Variants in SEPTIN8 observed in about 807,000 individuals in gnomAD.
SEPTIN8 encodes septin 8, also known as septin-8.
A neutral mutation model predicts 53.1 loss-of-function variants in SEPTIN8; 22 were observed. The observed-to-expected ratio is 0.41, with a 90% CI of 0.30 to 0.59. The LOEUF (loss-of-function observed/expected upper bound fraction) is 0.59, where lower values mean the gene tolerates loss of function less well. SEPTIN8 is among the 20% of genes least tolerant of loss of function. The probability of loss-of-function intolerance (pLI) is 0.24; values close to 1 mark genes in which losing one functional copy is unlikely to be tolerated. For missense variants in SEPTIN8, 536 were observed against 638.7 expected (o/e 0.84, Z 1.73); for synonymous variants, 228 against 248.4 (o/e 0.92, Z 0.77).
At chr5:132,758,267 AATGGGAG>A in intron 9 of SEPTIN8, 10 of 1,304,064 alleles carry the variant, frequency 7.7e-6, no homozygotes, top group Non-Finnish European at 9.7e-6. Context: ...TTATGAAAAT[AATGGGAG>A]AGGATATTAT....
Position 132,761,068 on chromosome 5 carries a change from C to G in SEPTIN8, c.1095+65G>C. ...GCCTGGGCCAGGAAGGCACCCCCACCTCTACCCTCAGCCAGGCCTTCCCTC... is the reference window on the plus strand; with the variant it reads ...GCCTGGGCCAGGAAGGCACCCCCACGTCTACCCTCAGCCAGGCCTTCCCTC... On this transcript the variant is annotated intron_variant, in intron 8 of 9. Transcript: ENST00000378719. The surrounding 1 kb of genome is among the most constrained non-coding windows in gnomAD (Gnocchi z 5.8). 1.2e-6 allele frequency: 2 copies of G among 1,609,222 alleles called. No homozygotes were observed. The highest frequency in any genetic ancestry group is 3.3e-5 in the Admixed American group (2 of 59,870).
At chr5:132,774,850 A>G (rs968935009) in intron 1 of SEPTIN8, among the ~76,000 whole-genome samples, 2 of 152,164 alleles carry the variant, frequency 1.3e-5, no homozygotes, top group African/African-American at 2.4e-5. Flanking sequence ...AACCCTCCAT[A>G]AACTCTCTGA....
chr5:132,752,821 T>C lies in SEPTIN8; in HGVS notation c.1287-640A>G, dbSNP rs190342627. 6.6e-4 allele frequency: 1,022 copies of C among 1,542,700 alleles called. 8 individuals carry two copies. The highest frequency in any genetic ancestry group is 1.3e-3 in the Middle Eastern group (8 of 5,930). On this transcript the variant is annotated intron_variant, in intron 9 of 9. Transcript: ENST00000378719. Reference sequence around the variant, plus strand: ...GCACTCAATTGCCAATTTCTTAGAATGTATGATGGTTCTGCTTGAAGATGG... The same window carrying C: ...GCACTCAATTGCCAATTTCTTAGAACGTATGATGGTTCTGCTTGAAGATGG...
chr5:132,756,991 T>TA (rs1253023181), intron 9 of SEPTIN8: 5 of 985,276 alleles, frequency 5.1e-6, no homozygotes, highest in African/African-American at 1.7e-5. Flanking sequence ...CTTTCAGACA[T>TA]AAAATTACCC....
intron 9 of SEPTIN8, chr5:132,752,846 G>GC: frequency 6.3e-7 from 1 of 1,594,460 alleles, no homozygotes; most frequent in African/African-American, 1.3e-5. Context: ...CTTGAAGATG[G>GC]CCACTCTATT....
At chr5:132,754,380 G>A in intron 9 of SEPTIN8, 1 of 717,248 alleles carries the variant, frequency 1.4e-6, no homozygotes, top group Non-Finnish European at 2.6e-6. Flanking sequence ...GGACCACAGT[G>A]CATGAGGCAG....
upstream of SEPTIN8, among the ~76,000 whole-genome samples, chr5:132,779,873 G>A (rs921072465): frequency 1.3e-5 from 2 of 152,180 alleles, no homozygotes; most frequent in African/African-American, 4.8e-5. Flanking sequence ...ATTTCTGTAT[G>A]TGTGTGCAGG....
At position 132,760,372 on chromosome 5, in the gene SEPTIN8, C is replaced by T. The variant is rs1047171588; in HGVS notation, c.1286+430G>A. Among the ~76,000 whole-genome samples, 3 of 152,162 alleles carry T rather than the reference C, an allele frequency of 2.0e-5. No homozygotes were observed. Among genetic ancestry groups the T allele is most frequent in the Admixed American group, 6.5e-5 (1 of 15,280 alleles). ...CATTCCCAGCATTCCCAGAGCCCTG[C>T]AGCTTCGCCCTCTCCACGCTGCTCC... On this transcript the variant is annotated intron_variant, in intron 9 of 9. Transcript: ENST00000378719. The surrounding 1 kb of genome is among the most constrained non-coding windows in gnomAD (Gnocchi z 5.2).
chr5:132,751,027 C>A lies in SEPTIN8; in HGVS notation c.*989G>T. 1 of 1,606,474 alleles carries A rather than the reference C, an allele frequency of 6.2e-7. No individual in the cohort carries two copies. The highest frequency in any genetic ancestry group is 8.5e-7 in the Non-Finnish European group (1 of 1,177,344). The stretch of plus-strand genomic sequence containing the variant: ...GTAAGGAGGTGTTTACAGAGTCTAC[C>A]CTAAACTCGTTTGTGCCTTTGGAAC... On this transcript the variant is annotated 3_prime_UTR_variant, in exon 10 of 10. Transcript: ENST00000378719.
In SEPTIN8 at chr5:132,762,706, G is replaced by A. The variant is rs1756116482; in HGVS notation, c.535-61C>T. Reference sequence around the variant, plus strand: ...GGCTCTTTTGAGCGGTGGTTCCCATGCCATGCCCAGGATATGGATAGACAT... The same window carrying A: ...GGCTCTTTTGAGCGGTGGTTCCCATACCATGCCCAGGATATGGATAGACAT... On this transcript the variant is annotated intron_variant, in intron 4 of 9. Transcript: ENST00000378719. The A allele has an allele frequency of 4.5e-6, 7 of 1,562,294 alleles. No individual in the cohort carries two copies. The East Asian group carries it at 1.3e-4, about 30-fold the overall frequency.
rs781196265 is a variant in SEPTIN8 at position 132,764,306 on chromosome 5, C to T, written c.265G>A (p.Asp89Asn). 20 of 1,614,054 alleles carry T rather than the reference C, an allele frequency of 1.2e-5. No individual in the cohort carries two copies. Among genetic ancestry groups the T allele is most frequent in the African/African-American group, 6.7e-5 (5 of 74,928 alleles). Reference protein sequence around the residue: ...ACVRLRPQTYDLQESNVQLKL... With the variant: ...ACVRLRPQTYNLQESNVQLKL... Reference sequence around the variant, plus strand: ...AGCTGCACGTTGCTCTCCTGGAGGTCATAGGTCTGGGGCCGCAGGCGCACG... The same window carrying T: ...AGCTGCACGTTGCTCTCCTGGAGGTTATAGGTCTGGGGCCGCAGGCGCACG... Residue 89 changes from aspartate to asparagine, a missense_variant, in exon 3 of 10, where the codon GAC (aspartate) becomes AAC (asparagine). Coordinates refer to ENST00000378719, the MANE Select transcript of SEPTIN8 (RefSeq NM_001098811.2).
At chr5:132,772,066 T>A (rs1453882728) in intron 1 of SEPTIN8, among the ~76,000 whole-genome samples, 2 of 152,130 alleles carry the variant, frequency 1.3e-5, no homozygotes, top group Non-Finnish European at 2.9e-5. Context: ...GCAGTCAAGG[T>A]AACAGGAAGC....
rs377730326 is a variant in SEPTIN8 at position 132,761,480 on chromosome 5, C to T, written c.940G>A (p.Asp314Asn). 53 of 1,612,380 alleles carry T rather than the reference C, an allele frequency of 3.3e-5. No individual in the cohort carries two copies. The highest frequency in any genetic ancestry group is 6.8e-6 in the Non-Finnish European group (8 of 1,179,772). The change falls in exon 7 of 10, where the codon GAT (aspartate) becomes AAT (asparagine). Residue 314 changes from aspartate (D) to asparagine (N), a missense_variant. Coordinates refer to ENST00000378719, the MANE Select transcript of SEPTIN8 (RefSeq NM_001098811.2). This position sits in a 1 kb window ranked among gnomAD's most constrained non-coding sequence, Gnocchi z 5.8. ...CACCTGAAGGGCTGGCTGTCACCAT[C>T]GCTGTCCTGAAAGCCCATCTCCTCC... ...KLEEMGFQDS[D>N]GDSQPFSLQE...
At chr5:132,752,866 G>T (rs1050189401) in intron 9 of SEPTIN8, 1 of 1,613,060 alleles carries the variant, frequency 6.2e-7, no homozygotes, top group Non-Finnish European at 8.5e-7. Context: ...TCTAATACAG[G>T]TTGGTGATAT....
intron 3 of SEPTIN8, 141 bp downstream of exon 3, chr5:132,764,083 T>G: frequency 1.0e-6 from 1 of 988,000 alleles, no homozygotes; most frequent in Non-Finnish European, 1.5e-6. Flanking sequence ...GTAACTGGTC[T>G]GTTGGTGACC....
chr5:132,771,663 C>T (rs543814809), intron 1 of SEPTIN8, among the ~76,000 whole-genome samples: 9 of 152,336 alleles, frequency 5.9e-5, no homozygotes, highest in South Asian at 4.1e-4. Context: ...ATGCTAGCCC[C>T]GGCTCCAGCT....
At chr5:132,779,751 TA>T (rs1263722618), upstream of SEPTIN8, among the ~76,000 whole-genome samples, 3 of 152,366 alleles carry the variant, frequency 2.0e-5, no homozygotes, top group Non-Finnish European at 4.4e-5. Flanking sequence ...AAATTTTCTT[TA>T]AAAACTTTTT....
intron 9 of SEPTIN8, chr5:132,758,781 A>G (rs770631330): frequency 3.7e-6 from 6 of 1,614,052 alleles, no homozygotes; most frequent in Middle Eastern, 3.3e-4. Flanking sequence ...AACACATGAA[A>G]GTCTAAAGTC....
Position 132,777,023 on chromosome 5 carries a change from C to A in SEPTIN8, c.30+85G>T. On this transcript the variant is annotated intron_variant, in intron 1 of 9. Transcript: ENST00000378719. The surrounding 1 kb of genome is among the most constrained non-coding windows in gnomAD (Gnocchi z 4.1). ...GCCCGGCCGTGAGGCGCTGACAGCC[C>A]GCTTCGCGCCCCCCGCCAGCTGCAG... The A allele has an allele frequency of 5.6e-6, 5 of 896,102 alleles. No homozygotes were observed. The highest frequency in any genetic ancestry group is 7.0e-6 in the Non-Finnish European group (5 of 709,286). 55.5% of individuals were successfully genotyped at this position (896,102 alleles called of 1,614,324 possible).
Sources: gnomAD v4.1 joint callset for allele counts (sites outside exome capture counted in the v4.1 genomes callset) on GRCh38, gnomAD v4.1.1 for gene constraint, Gnocchi (gnomAD v3.1) non-coding constraint, MANE v1.5 for transcripts, NCBI Gene and HGNC (gene_info 2026-07-23, HGNC 2026-07-21) for gene names.